Variants in KAT6B observed in about 807,000 individuals in gnomAD.
KAT6B encodes the protein lysine acetyltransferase 6B.
KAT6B carries 10 observed loss-of-function variants against 187.5 expected under a neutral mutation model. That is an observed-to-expected ratio of 0.05 (90% confidence interval 0.03 to 0.09). The LOEUF is 0.09. Among genes scored for constraint, KAT6B ranks in the 10% least tolerant of loss-of-function variants. The pLI, the probability that KAT6B is intolerant of heterozygous loss-of-function variation, is 1.00. For missense variants in KAT6B, 1,952 were observed against 2,558.9 expected, an observed-to-expected ratio of 0.76 and a Z score of 5.12; for synonymous variants, 861 against 926.8, an observed-to-expected ratio of 0.93 and a Z score of 1.29.
In KAT6B at chr10:75,030,311, T is replaced by C. The variant is rs767046915; in HGVS notation, c.5487T>C (p.Asp1829=). 2.3e-5 allele frequency: 37 copies of C among 1,614,126 alleles called. No homozygotes were observed. In the South Asian group the frequency reaches 4.1e-4, roughly 18 times the overall value. The part of the protein sequence containing the change: ...KLQQLTNTLI[D]HSLPYSHSAA... Reference sequence around the variant, plus strand: ...AGCAGTTAACTAATACACTTATTGATCATTCATTGCCTTACAGCCATTCCG... The same window carrying C: ...AGCAGTTAACTAATACACTTATTGACCATTCATTGCCTTACAGCCATTCCG... The change falls in exon 18 of 18, where the codon GAT becomes GAC. Residue 1829 remains aspartate, a synonymous_variant. Coordinates refer to ENST00000287239, the MANE Select transcript of KAT6B (RefSeq NM_012330.4). This position sits in a 1 kb window ranked among gnomAD's most constrained non-coding sequence, Gnocchi z 4.8.
chr10:75,018,530 G>T (rs1021504622), intron 13 of KAT6B, among the ~76,000 whole-genome samples: 3 of 152,246 alleles, frequency 2.0e-5, no homozygotes, highest in African/African-American at 7.2e-5. Flanking sequence ...AGCATGAACA[G>T]CTGCGGAAAG....
intron 3 of KAT6B, among the ~76,000 whole-genome samples, chr10:74,958,199 T>C (rs1030059512): frequency 2.6e-5 from 4 of 152,252 alleles, no homozygotes; most frequent in Non-Finnish European, 1.5e-5. Context: ...ATTATAACCA[T>C]TGATTTTTTT....
At chr10:75,012,642 C>G (rs1441849887) in intron 13 of KAT6B, among the ~76,000 whole-genome samples, 1 of 152,150 alleles carries the variant, frequency 6.6e-6, no homozygotes, top group Non-Finnish European at 1.5e-5. Flanking sequence ...GAGGGAAGTC[C>G]CCTTTCGTGC....
chr10:74,853,208 G>C lies in KAT6B; in HGVS notation c.621+9730G>C, dbSNP rs112876856. On this transcript the variant is annotated intron_variant, in intron 3 of 17. Coordinates refer to ENST00000287239, the MANE Select transcript of KAT6B (RefSeq NM_012330.4). ...TGGCTCACTGCAGCCTCGACCTCCC[G>C]GGCTCAAGTGATCCTTGATCCTCCC... Among the ~76,000 whole-genome samples, 23 of 143,998 alleles carry C rather than the reference G, an allele frequency of 1.6e-4. No homozygotes were observed. In the Middle Eastern group the frequency reaches 0.011, roughly 67 times the overall value. The allele number at this position is 143,998 out of a possible 152,430, so 94.5% of individuals were successfully genotyped here.
chr10:74,872,197 A>G (rs1487529487), intron 3 of KAT6B, among the ~76,000 whole-genome samples: 1 of 152,202 alleles, frequency 6.6e-6, no homozygotes, highest in Non-Finnish European at 1.5e-5. Flanking sequence ...GAGCAGCTCA[A>G]AATATGCAAG....
intron 13 of KAT6B, among the ~76,000 whole-genome samples, chr10:75,019,921 G>GTCT (rs1845263482): frequency 6.6e-6 from 1 of 152,134 alleles, no homozygotes; most frequent in African/African-American, 2.4e-5. Flanking sequence ...GTCTTAATTT[G>GTCT]TAGGAGCAAT....
At position 75,010,148 on chromosome 10, in the gene KAT6B, G is replaced by A. The variant is rs144138483; in HGVS notation, c.2630-10434G>A. 4.2e-4 allele frequency among the ~76,000 whole-genome samples: 64 copies of A among 152,310 alleles called. No homozygotes were observed. In the East Asian group the frequency reaches 0.011, roughly 27 times the overall value. On this transcript the variant is annotated intron_variant, in intron 13 of 17. Coordinates refer to ENST00000287239, the MANE Select transcript of KAT6B (RefSeq NM_012330.4). ...AGAGGGGGCTCAGCAATAACCCTGG[G>A]GGGACACAACCATTGATCTCCAGAG...
chr10:74,931,554 T>C (rs1296368314), intron 3 of KAT6B, among the ~76,000 whole-genome samples: 4 of 152,208 alleles, frequency 2.6e-5, no homozygotes, highest in Non-Finnish European at 4.4e-5. Flanking sequence ...ATAATAAGTG[T>C]TCAAGTATTT....
At chr10:74,868,261 G>A (rs1274131111) in intron 3 of KAT6B, among the ~76,000 whole-genome samples, 3 of 152,010 alleles carry the variant, frequency 2.0e-5, no homozygotes, top group Non-Finnish European at 2.9e-5. Flanking sequence ...TTTAAGAGAC[G>A]GTGTCCCTGT....
intron 12 of KAT6B, 138 bp downstream of exon 12, chr10:74,985,379 A>G: frequency 1.1e-6 from 1 of 891,550 alleles, no homozygotes; most frequent in Non-Finnish European, 1.7e-6. Context: ...GTTCTTGTTC[A>G]GAGCTCATTT....
At chr10:75,006,835 G>A (rs1238191354) in intron 13 of KAT6B, among the ~76,000 whole-genome samples, 1 of 88,574 alleles carries the variant, frequency 1.1e-5, no homozygotes, top group Non-Finnish European at 2.2e-5. Flanking sequence ...GGGAGGCCGA[G>A]GCAGGCGGAT....
chr10:74,968,346 A>G (rs962637193), intron 4 of KAT6B, among the ~76,000 whole-genome samples: 3 of 151,778 alleles, frequency 2.0e-5, no homozygotes, highest in African/African-American at 7.3e-5. Context: ...CTGTGACAAT[A>G]TTTTATTTTC....
Position 74,842,616 on chromosome 10 carries a change from T to C in KAT6B, c.-242T>C. 1 of 602,788 alleles carries C rather than the reference T, an allele frequency of 1.7e-6. No homozygotes were observed. Among genetic ancestry groups the C allele is most frequent in the South Asian group, 2.0e-5 (1 of 49,138 alleles). The allele number at this position is 602,788 out of a possible 1,614,324, so 37.3% of individuals were successfully genotyped here. A position where few individuals can be genotyped will look rare whatever the true frequency, so the allele number is the denominator to read the frequency against. On this transcript the variant is annotated 5_prime_UTR_variant, in exon 3 of 18. Coordinates refer to ENST00000287239, the MANE Select transcript of KAT6B (RefSeq NM_012330.4). The stretch of plus-strand genomic sequence containing the variant: ...TCCTTTAAGGTCTTGATTTCCCAGT[T>C]AAAGATGTTCTTCACCCGAATGCAG...
At chr10:74,871,686 G>C (rs1843986451) in intron 3 of KAT6B, among the ~76,000 whole-genome samples, 1 of 152,138 alleles carries the variant, frequency 6.6e-6, no homozygotes, top group Non-Finnish European at 1.5e-5. Flanking sequence ...TTAAGAATAG[G>C]CTGCAACACT....
intron 3 of KAT6B, among the ~76,000 whole-genome samples, chr10:74,955,382 A>AT (rs918917806): frequency 1.5e-4 from 6 of 41,278 alleles, no homozygotes; most frequent in African/African-American, 5.8e-5. Context: ...ACACAATTTT[A>AT]TCCCCCCCCC....
At chr10:74,921,705 G>C (rs1848148614) in intron 3 of KAT6B, among the ~76,000 whole-genome samples, 1 of 152,150 alleles carries the variant, frequency 6.6e-6, no homozygotes. Context: ...TATCACTCCT[G>C]CTTACTATTG....
Position 74,843,288 on chromosome 10 carries a change from A to C in KAT6B, c.431A>C (p.Asn144Thr). 1.9e-6 allele frequency: 3 copies of C among 1,613,946 alleles called. No individual in the cohort carries two copies. Among genetic ancestry groups the C allele is most frequent in the Non-Finnish European group, 2.5e-6 (3 of 1,179,960 alleles). ...RSQSDLTSTTNNPAFQQRLRL... is the reference protein window; with the variant it reads ...RSQSDLTSTTTNPAFQQRLRL... ...CAAAGTGATCTCACAAGCACCACCA[A>C]CAACCCAGCCTTTCAGCAGCGGCTG... Residue 144 changes from asparagine to threonine, a missense_variant, in exon 3 of 18, where the codon AAC becomes ACC. Transcript: ENST00000287239.
At chr10:74,989,283 C>T (rs1343730296) in intron 13 of KAT6B, among the ~76,000 whole-genome samples, 171 bp downstream of exon 13, 1 of 152,196 alleles carries the variant, frequency 6.6e-6, no homozygotes, top group Non-Finnish European at 1.5e-5. Flanking sequence ...GAAAAATGTA[C>T]TGCTGCTCAG....
intron 3 of KAT6B, among the ~76,000 whole-genome samples, chr10:74,918,013 T>A (rs1439241534): frequency 6.6e-6 from 1 of 152,134 alleles, no homozygotes; most frequent in East Asian, 1.9e-4. Flanking sequence ...TTGGCTTAAA[T>A]TTTTTTTAAA....
Sources: gnomAD v4.1 joint callset for allele counts (sites outside exome capture counted in the v4.1 genomes callset) on GRCh38, gnomAD v4.1.1 for gene constraint, Gnocchi (gnomAD v3.1) non-coding constraint, MANE v1.5 for transcripts, NCBI Gene and HGNC (gene_info 2026-07-23, HGNC 2026-07-21) for gene names.